The following MMP16 variants were observed in gnomAD, a reference collection of about 807,000 sequenced individuals.
MMP16 encodes the protein matrix metalloproteinase-16.
A neutral mutation model predicts 67.8 loss-of-function variants in MMP16; 12 were observed. The ratio of observed to expected loss-of-function variants is 0.18; its 90% CI spans 0.11 to 0.29. The LOEUF is 0.29. Among genes scored for constraint, MMP16 ranks in the 10% least tolerant of loss-of-function variants. The pLI is 1.00. For missense variants in MMP16, 475 were observed against 765.7 expected, an observed-to-expected ratio of 0.62 and a Z score of 4.48; for synonymous variants, 249 against 255.9, an observed-to-expected ratio of 0.97 and a Z score of 0.26.
chr8:88,061,404 T>C, intron 7 of MMP16, among the ~76,000 whole-genome samples: 1 of 152,074 alleles, frequency 6.6e-6, no homozygotes, highest in Non-Finnish European at 1.5e-5. Context: ...GAGTATGCAG[T>C]TTCAATGCCT....
chr8:88,193,632 T>C (rs569370544), intron 2 of MMP16, among the ~76,000 whole-genome samples: 18 of 152,190 alleles, frequency 1.2e-4, no homozygotes, highest in South Asian at 4.1e-4. Context: ...CTTGAGGTGA[T>C]AGATACCCCA....
chr8:88,210,512 T>C (rs1156898695), intron 1 of MMP16, among the ~76,000 whole-genome samples: 1 of 152,154 alleles, frequency 6.6e-6, no homozygotes, highest in Non-Finnish European at 1.5e-5. Context: ...CTGGGTTTAC[T>C]ACCCGGTTAT....
At chr8:88,223,945 T>C (rs1809727651) in intron 1 of MMP16, among the ~76,000 whole-genome samples, 1 of 151,898 alleles carries the variant, frequency 6.6e-6, no homozygotes, top group Non-Finnish European at 1.5e-5. Flanking sequence ...ATAGTGAGAA[T>C]GACCTCTAGG....
Position 88,041,916 on chromosome 8 carries a change from TAGG to T in MMP16, c.1490-124_1490-122del. 1 of 757,510 alleles carries T rather than the reference TAGG, an allele frequency of 1.3e-6. No homozygotes were observed. The highest frequency in any genetic ancestry group is 2.7e-5 in the East Asian group (1 of 37,044). The allele number at this position is 757,510 out of a possible 1,614,324, so 46.9% of individuals were successfully genotyped here. ...GTATTTTAAGGCCCTTTAATTTTCA[TAGG>T]AAGAAAACACTATTTTCAGCTCAGC... On this transcript the variant is annotated intron_variant, in intron 9 of 9. Transcript: ENST00000286614. The surrounding 1 kb of genome is among the most constrained non-coding windows in gnomAD (Gnocchi z 6.0).
chr8:88,264,058 G>GA (rs1810435431), intron 1 of MMP16, among the ~76,000 whole-genome samples: 1 of 60,846 alleles, frequency 1.6e-5, no homozygotes, highest in African/African-American at 7.0e-5. Context: ...ATATATATAG[G>GA]GAGAGAGAGA....
intron 6 of MMP16, among the ~76,000 whole-genome samples, chr8:88,095,380 A>T (rs552565314): frequency 1.3e-5 from 2 of 151,742 alleles, no homozygotes; most frequent in South Asian, 2.1e-4. Context: ...CCGATCTCTG[A>T]CTTTGGTCTT....
At chr8:88,224,027 A>G (rs1418510812) in intron 1 of MMP16, among the ~76,000 whole-genome samples, 1 of 151,988 alleles carries the variant, frequency 6.6e-6, no homozygotes, top group Non-Finnish European at 1.5e-5. Context: ...AAGTTTATTG[A>G]GTGATAATGG....
intron 1 of MMP16, among the ~76,000 whole-genome samples, chr8:88,202,405 T>A (rs1442256535): frequency 6.6e-6 from 1 of 152,164 alleles, no homozygotes. Flanking sequence ...CCAATCTGCA[T>A]AAAGTGAGTT....
chr8:88,060,659 G>A (rs570351490), intron 7 of MMP16, among the ~76,000 whole-genome samples: 15 of 151,922 alleles, frequency 9.9e-5, no homozygotes, highest in Admixed American at 3.3e-4. Flanking sequence ...CCAAATTACC[G>A]GCATTTACCT....
chr8:88,262,997 C>T (rs1810413656), intron 1 of MMP16, among the ~76,000 whole-genome samples: 1 of 151,228 alleles, frequency 6.6e-6, no homozygotes, highest in African/African-American at 2.4e-5. Flanking sequence ...TGCACTCCAG[C>T]CTGGCGACAG....
chr8:88,272,237 T>C (rs900485184), intron 1 of MMP16, among the ~76,000 whole-genome samples: 2 of 152,178 alleles, frequency 1.3e-5, no homozygotes, highest in African/African-American at 2.4e-5. Context: ...GGAGTCACAT[T>C]ATCATTATTA....
At chr8:88,232,490 T>A (rs1022907306) in intron 1 of MMP16, among the ~76,000 whole-genome samples, 3 of 152,320 alleles carry the variant, frequency 2.0e-5, no homozygotes, top group Admixed American at 2.0e-4. Context: ...CTGCCTGATG[T>A]CACATAGCCA....
At chr8:88,069,363 G>T (rs1284148622) in intron 7 of MMP16, 1 of 444,378 alleles carries the variant, frequency 2.3e-6, no homozygotes, top group East Asian at 7.0e-5. Flanking sequence ...ATTCCTGATT[G>T]TTCTTTGTTA....
At chr8:88,173,304 G>A (rs1389939979) in intron 3 of MMP16, among the ~76,000 whole-genome samples, 1 of 152,152 alleles carries the variant, frequency 6.6e-6, no homozygotes, top group Middle Eastern at 3.4e-3. Flanking sequence ...CACTCACCTT[G>A]GCCTCCCAAA....
chr8:88,070,847 A>T (rs1295435866), intron 7 of MMP16, among the ~76,000 whole-genome samples: 1 of 151,870 alleles, frequency 6.6e-6, no homozygotes, highest in Non-Finnish European at 1.5e-5. Context: ...TAATTTGTCA[A>T]TTTTTTCCTT....
At chr8:88,123,507 G>A (rs1393997305) in intron 4 of MMP16, among the ~76,000 whole-genome samples, 2 of 151,642 alleles carry the variant, frequency 1.3e-5, no homozygotes, top group Admixed American at 1.3e-4. Context: ...TGGTGGTCAG[G>A]AAAACGTGGT....
chr8:88,140,005 T>C (rs1026721692), intron 4 of MMP16, among the ~76,000 whole-genome samples: 1 of 152,236 alleles, frequency 6.6e-6, no homozygotes, highest in Non-Finnish European at 1.5e-5. Flanking sequence ...TCGTTTGCTA[T>C]ATTTCCTTAA....
chr8:88,086,381 G>GT (rs1808834635), intron 6 of MMP16, among the ~76,000 whole-genome samples: 1 of 151,854 alleles, frequency 6.6e-6, no homozygotes, highest in South Asian at 2.1e-4. Flanking sequence ...TATTAGCAAG[G>GT]TGCTCTATTA....
At chr8:88,071,912 C>T (rs1216228461) in intron 7 of MMP16, among the ~76,000 whole-genome samples, 4 of 151,690 alleles carry the variant, frequency 2.6e-5, no homozygotes, top group African/African-American at 9.7e-5. Context: ...TTTGTCATTA[C>T]AGAAAAAGTC....
Sources: gnomAD v4.1 joint callset for allele counts (sites outside exome capture counted in the v4.1 genomes callset) on GRCh38, gnomAD v4.1.1 for gene constraint, Gnocchi (gnomAD v3.1) non-coding constraint, MANE v1.5 for transcripts, NCBI Gene and HGNC (gene_info 2026-07-23, HGNC 2026-07-21) for gene names.